DIRAS2: variants seen among roughly 807,000 people sequenced by gnomAD.
DIRAS2 encodes GTP-binding protein Di-Ras2.
A neutral mutation model predicts 13.9 loss-of-function variants in DIRAS2; 5 were observed. That is an observed-to-expected ratio of 0.36 (90% CI 0.19 to 0.76). The LOEUF (loss-of-function observed/expected upper bound fraction) is 0.76. Ranked by LOEUF, DIRAS2 falls within the 30% of genes least tolerant of loss-of-function variation. The pLI is 0.53. For synonymous variants in DIRAS2, 111 were observed against 105.4 expected, an observed-to-expected ratio of 1.05 and a Z score of -0.33; for missense variants, 191 against 263.0, an observed-to-expected ratio of 0.73 and a Z score of 1.89.
At chr9:90,630,102 G>A (rs540556971) in intron 1 of DIRAS2, among the ~76,000 whole-genome samples, 2 of 151,844 alleles carry the variant, frequency 1.3e-5, no homozygotes, top group South Asian at 2.1e-4. Context: ...CTCCCTACTC[G>A]AATATCAATA....
rs1825101632 is a variant in DIRAS2 at position 90,610,501 on chromosome 9, C to T, written c.*2727G>A. 1.5e-5 allele frequency: 6 copies of T among 398,842 alleles called. No homozygotes were observed. In the East Asian group the frequency reaches 2.1e-4, roughly 14 times the overall value. The allele number at this position is 398,842 out of a possible 1,614,324, so 24.7% of individuals were successfully genotyped here. A position where few individuals can be genotyped will look rare whatever the true frequency, so the allele number is the denominator to read the frequency against. ...ATGCTCATGCCCAGAGCGCCATCTT[C>T]AAAGCAATATTTAATTAAATATTAA... On this transcript the variant is annotated 3_prime_UTR_variant, in exon 2 of 2. Coordinates refer to ENST00000375765, the MANE Select transcript of DIRAS2 (RefSeq NM_017594.5).
chr9:90,616,736 C>CAAA (rs11422558), intron 1 of DIRAS2, among the ~76,000 whole-genome samples: 1,359 of 86,536 alleles, frequency 0.016, 23 homozygotes, highest in Non-Finnish European at 0.018. Flanking sequence ...GACTCCATCA[C>CAAA]AAAAAAAAAA....
Position 90,613,839 on chromosome 9 carries a change from G to A in DIRAS2, c.-12C>T, listed in dbSNP as rs757560180. 2 of 1,602,058 alleles carry A rather than the reference G, an allele frequency of 1.2e-6. No individual in the cohort carries two copies. The highest frequency in any genetic ancestry group is 2.2e-5 in the East Asian group (1 of 44,684). On this transcript the variant is annotated 5_prime_UTR_variant, in exon 2 of 2. Transcript: ENST00000375765. This position sits in a 1 kb window ranked among gnomAD's most constrained non-coding sequence, Gnocchi z 5.6. ...CTCTGCTCAGGCATGTTGCTGGAGA[G>A]CTCCAACTCTCAGCCAGGACGCACC...
intron 1 of DIRAS2, among the ~76,000 whole-genome samples, chr9:90,623,952 G>A (rs1270955015): frequency 2.0e-5 from 3 of 152,226 alleles, no homozygotes; most frequent in African/African-American, 7.2e-5. Flanking sequence ...GGAAAAGGTT[G>A]ATAATTTAGT....
chr9:90,629,004 G>A (rs963084727), intron 1 of DIRAS2, among the ~76,000 whole-genome samples: 1 of 152,056 alleles, frequency 6.6e-6, no homozygotes, highest in East Asian at 1.9e-4. Flanking sequence ...ACGGGCGCCC[G>A]CCACCACGCC....
intron 1 of DIRAS2, among the ~76,000 whole-genome samples, chr9:90,621,827 C>T (rs966688198): frequency 3.9e-5 from 6 of 152,236 alleles, no homozygotes; most frequent in Non-Finnish European, 5.9e-5. Flanking sequence ...AATGTCATTC[C>T]TTCCTCCACT....
chr9:90,620,741 CAAA>C (rs577185569), intron 1 of DIRAS2, among the ~76,000 whole-genome samples: 1 of 132,100 alleles, frequency 7.6e-6, no homozygotes. Flanking sequence ...TCCGCTGTCT[CAAA>C]AAAAAAAAGA....
rs1227634441 is a variant in DIRAS2 at position 90,612,852 on chromosome 9, C to T, written c.*376G>A. 4.3e-6 allele frequency: 1 copy of T among 230,004 alleles called. No homozygotes were observed. The highest frequency in any genetic ancestry group is 2.3e-5 in the African/African-American group (1 of 43,946). 14.2% of individuals were successfully genotyped at this position (230,004 alleles called of 1,614,324 possible). On this transcript the variant is annotated 3_prime_UTR_variant, in exon 2 of 2. Coordinates refer to ENST00000375765, the MANE Select transcript of DIRAS2 (RefSeq NM_017594.5). ...TTCTGTCTGGGGTTGGTGCAGGTAA[C>T]TCTAGGTTAACACGCTCTCACATGC...
chr9:90,614,640 C>T (rs966711888), intron 1 of DIRAS2, among the ~76,000 whole-genome samples: 5 of 152,140 alleles, frequency 3.3e-5, no homozygotes, highest in African/African-American at 1.2e-4. Context: ...GGGCGTTACT[C>T]AGGCCATAGT....
intron 1 of DIRAS2, among the ~76,000 whole-genome samples, chr9:90,620,225 G>A (rs1825207592): frequency 6.6e-6 from 1 of 152,254 alleles, no homozygotes; most frequent in East Asian, 1.9e-4. Context: ...GACATGAGGA[G>A]GGCCAGTAAT....
rs1825111399 is a variant in DIRAS2 at position 90,611,325 on chromosome 9, T to G, written c.*1903A>C. ...ACCCCCAGCTGGCTCCCACGCCACT[T>G]CTCTGCTTTCTCAGCTCAGCATGAG... is the stretch of plus-strand genomic sequence containing the variant. On this transcript the variant is annotated 3_prime_UTR_variant, in exon 2 of 2. Coordinates refer to ENST00000375765, the MANE Select transcript of DIRAS2 (RefSeq NM_017594.5). 6.6e-6 allele frequency: 1 copy of G among 152,264 alleles called. No homozygotes were observed. The highest frequency in any genetic ancestry group is 2.4e-5 in the African/African-American group (1 of 41,438). 9.4% of individuals were successfully genotyped at this position (152,264 alleles called of 1,614,324 possible). A position where few individuals can be genotyped will look rare whatever the true frequency, so the allele number is the denominator to read the frequency against.
At chr9:90,624,084 G>T (rs558697352) in intron 1 of DIRAS2, among the ~76,000 whole-genome samples, 3 of 152,204 alleles carry the variant, frequency 2.0e-5, no homozygotes, top group Admixed American at 2.0e-4. Flanking sequence ...CTTGGTTTCC[G>T]TGAAATGTTA....
chr9:90,628,425 A>G (rs1825291741), intron 1 of DIRAS2, among the ~76,000 whole-genome samples: 1 of 152,178 alleles, frequency 6.6e-6, no homozygotes, highest in African/African-American at 2.4e-5. Context: ...TCATCTTGCC[A>G]TTTCAGACTG....
intron 1 of DIRAS2, among the ~76,000 whole-genome samples, chr9:90,639,071 C>T (rs1342340406): frequency 2.6e-5 from 4 of 152,260 alleles, no homozygotes; most frequent in South Asian, 2.1e-4. Flanking sequence ...ACTTTGCAGA[C>T]ATTAATTAGC....
intron 1 of DIRAS2, among the ~76,000 whole-genome samples, chr9:90,614,567 G>A (rs150544248): frequency 1.3e-5 from 2 of 152,196 alleles, no homozygotes; most frequent in East Asian, 3.9e-4. Flanking sequence ...TACAACCAAA[G>A]CATTGTGGAT....
rs1275407198 is a variant in DIRAS2, at chr9:90,612,721, T to C, written c.*507A>G. 1 of 158,434 alleles carries C rather than the reference T, an allele frequency of 6.3e-6. No homozygotes were observed. Among genetic ancestry groups the C allele is most frequent in the Non-Finnish European group, 1.4e-5 (1 of 71,762 alleles). The allele number at this position is 158,434 out of a possible 1,614,324, so 9.8% of individuals were successfully genotyped here. On this transcript the variant is annotated 3_prime_UTR_variant, in exon 2 of 2. Coordinates refer to ENST00000375765, the MANE Select transcript of DIRAS2 (RefSeq NM_017594.5). Reference sequence around the variant, plus strand: ...CCTTTGGGGGAGAGGCTGTGTTTTTTAATCCCCTTTAAAAAAGTGTAAAAT... The same window carrying C: ...CCTTTGGGGGAGAGGCTGTGTTTTTCAATCCCCTTTAAAAAAGTGTAAAAT...
chr9:90,626,367 G>C (rs767522847), intron 1 of DIRAS2, among the ~76,000 whole-genome samples: 9 of 150,980 alleles, frequency 6.0e-5, no homozygotes, highest in Non-Finnish European at 1.3e-4. Context: ...AACTACCAGA[G>C]AGACTGAGGC....
At chr9:90,630,724 CT>C (rs1825317352) in intron 1 of DIRAS2, among the ~76,000 whole-genome samples, 1 of 152,176 alleles carries the variant, frequency 6.6e-6, no homozygotes, top group Non-Finnish European at 1.5e-5. Flanking sequence ...TTGATGTTTT[CT>C]GCTAGGTAGG....
chr9:90,618,647 T>G (rs1461766395), intron 1 of DIRAS2, among the ~76,000 whole-genome samples: 1 of 152,152 alleles, frequency 6.6e-6, no homozygotes, highest in African/African-American at 2.4e-5. Context: ...ATATATCTGA[T>G]AAGGGACTAG....
Sources: gnomAD v4.1 joint callset for allele counts (sites outside exome capture counted in the v4.1 genomes callset) on GRCh38, gnomAD v4.1.1 for gene constraint, Gnocchi (gnomAD v3.1) non-coding constraint, MANE v1.5 for transcripts, NCBI Gene and HGNC (gene_info 2026-07-23, HGNC 2026-07-21) for gene names.